COX7B2: variants seen among roughly 807,000 people sequenced by gnomAD.
The protein encoded by COX7B2 is cytochrome c oxidase subunit 7B2.
For synonymous variants in COX7B2, 37 were observed against 32.1 expected, an observed-to-expected ratio of 1.15 and a Z score of -0.51; for missense variants, 109 against 95.9, an observed-to-expected ratio of 1.14 and a Z score of -0.57.
rs144261181 is a variant in COX7B2 at position 46,817,950 on chromosome 4, A to C, written c.-50+27010T>G. Among the ~76,000 whole-genome samples the C allele has an allele frequency of 2.2e-3, 338 of 152,322 alleles. 4 individuals are homozygous for C. Among genetic ancestry groups the C allele is most frequent in the East Asian group, 8.5e-3 (44 of 5,184 alleles). ...TACGCATTTCTCAGCAGAACACAGA[A>C]AAGGAACTGATTAGAAATTTAAATT... is the stretch of plus-strand genomic sequence containing the variant. On this transcript the variant is annotated intron_variant, in intron 2 of 2. Transcript: ENST00000355591.
At chr4:46,750,856 A>G (rs1242891341) in intron 2 of COX7B2, among the ~76,000 whole-genome samples, 1 of 152,152 alleles carries the variant, frequency 6.6e-6, no homozygotes, top group Admixed American at 6.6e-5. Context: ...TTCCTTATAA[A>G]GTCACCAGCC....
At chr4:46,815,509 A>C (rs1311869709) in intron 2 of COX7B2, among the ~76,000 whole-genome samples, 3 of 152,178 alleles carry the variant, frequency 2.0e-5, no homozygotes. Context: ...CCTCAGTACT[A>C]ATCAACAAAA....
chr4:46,740,189 C>T (rs555310444), intron 2 of COX7B2, among the ~76,000 whole-genome samples: 13 of 151,942 alleles, frequency 8.6e-5, no homozygotes, highest in African/African-American at 2.9e-4. Flanking sequence ...TTAAAGTGTT[C>T]GTTTGCAAGG....
rs766165008 is a variant in COX7B2 at position 46,735,046 on chromosome 4, G to T, written c.147C>A (p.Phe49Leu). 3.1e-6 allele frequency: 5 copies of T among 1,614,080 alleles called. No homozygotes were observed. Among genetic ancestry groups the T allele is most frequent in the African/African-American group, 1.3e-5 (1 of 75,040 alleles). Residue 49 changes from phenylalanine (F) to leucine (L), a missense_variant, in exon 3 of 3, where the codon TTC becomes TTA. Phe to Leu is a conservative substitution (Grantham distance 22, BLOSUM62 0). Transcript: ENST00000355591. ...GNAVLASGTA[F>L]CVATWVFTAT... is the part of the protein sequence containing the mutation. ...CTGTAAACACCCATGTAGCAACACA[G>T]AAAGCAGTTCCACTGGCTAGCACAG...
chr4:46,859,522 C>T (rs1195003850), intron 1 of COX7B2, among the ~76,000 whole-genome samples: 2 of 152,050 alleles, frequency 1.3e-5, no homozygotes, highest in African/African-American at 4.8e-5. Flanking sequence ...TATGAAAGCC[C>T]GAGAGGTCTG....
intron 2 of COX7B2, among the ~76,000 whole-genome samples, chr4:46,775,552 C>G (rs1052377316): frequency 6.6e-6 from 1 of 151,856 alleles, no homozygotes; most frequent in Non-Finnish European, 1.5e-5. Context: ...TGGGTCATAC[C>G]GCAATGAATA....
At chr4:46,786,355 T>C (rs921045305) in intron 2 of COX7B2, among the ~76,000 whole-genome samples, 14 of 152,242 alleles carry the variant, frequency 9.2e-5, no homozygotes, top group African/African-American at 3.4e-4. Context: ...ACTCTTCCAT[T>C]GTTGAACACT....
At chr4:46,891,387 G>A (rs570586511) in intron 1 of COX7B2, among the ~76,000 whole-genome samples, 3 of 152,158 alleles carry the variant, frequency 2.0e-5, no homozygotes, top group African/African-American at 4.8e-5. Context: ...ACAGAGCCTC[G>A]GGACTTCAAC....
intron 2 of COX7B2, among the ~76,000 whole-genome samples, chr4:46,818,558 A>G (rs1303698967): frequency 2.6e-5 from 4 of 151,926 alleles, no homozygotes; most frequent in Admixed American, 1.3e-4. Context: ...AATGGCGTGA[A>G]CCCAGGAGGC....
intron 1 of COX7B2, among the ~76,000 whole-genome samples, chr4:46,887,402 T>C (rs1719141067): frequency 6.6e-6 from 1 of 152,092 alleles, no homozygotes; most frequent in Admixed American, 6.5e-5. Context: ...ATCATGTACA[T>C]AAAACTACTT....
chr4:46,811,332 T>G (rs1246221253), intron 2 of COX7B2, among the ~76,000 whole-genome samples: 1 of 151,990 alleles, frequency 6.6e-6, no homozygotes, highest in Non-Finnish European at 1.5e-5. Flanking sequence ...ATAGGCTTTT[T>G]TTTTTTAACT....
At chr4:46,807,836 T>C (rs1179462939) in intron 2 of COX7B2, among the ~76,000 whole-genome samples, 5 of 151,884 alleles carry the variant, frequency 3.3e-5, no homozygotes, top group African/African-American at 9.7e-5. Flanking sequence ...TGATAGTATA[T>C]ATTTAGGTTT....
intron 2 of COX7B2, among the ~76,000 whole-genome samples, chr4:46,764,119 C>T (rs1339474130): frequency 3.3e-5 from 5 of 152,168 alleles, no homozygotes; most frequent in Non-Finnish European, 5.9e-5. Context: ...AGAACTGCTA[C>T]TAGAAGATTC....
chr4:46,760,695 CTTATAG>C (rs1716096608), intron 2 of COX7B2, among the ~76,000 whole-genome samples: 1 of 151,950 alleles, frequency 6.6e-6, no homozygotes, highest in African/African-American at 2.4e-5. Flanking sequence ...TACCCCAGAA[CTTATAG>C]TTAAAAAAGG....
intron 2 of COX7B2, among the ~76,000 whole-genome samples, chr4:46,818,093 G>T (rs932066493): frequency 6.6e-6 from 1 of 152,078 alleles, no homozygotes; most frequent in African/African-American, 2.4e-5. Context: ...ACACTTGGAT[G>T]GACTATTTGA....
chr4:46,742,533 A>T (rs1714780565), intron 2 of COX7B2, among the ~76,000 whole-genome samples: 1 of 152,156 alleles, frequency 6.6e-6, no homozygotes, highest in South Asian at 2.1e-4. Context: ...TGCCGCTGGT[A>T]AAAATGCTGA....
chr4:46,808,063 A>G (rs1719095241), intron 2 of COX7B2, among the ~76,000 whole-genome samples: 1 of 151,858 alleles, frequency 6.6e-6, no homozygotes, highest in Admixed American at 6.6e-5. Flanking sequence ...TGTGAAGAAC[A>G]TTATTGGAAT....
chr4:46,901,282 T>TG (rs59830139), intron 1 of COX7B2, among the ~76,000 whole-genome samples: 265 of 152,334 alleles, frequency 1.7e-3, no homozygotes, highest in African/African-American at 6.0e-3. Flanking sequence ...GTCTCACCGA[T>TG]GGACTTGATT....
chr4:46,758,788 G>T lies in COX7B2; in HGVS notation c.-49-23547C>A, dbSNP rs543110043. On this transcript the variant is annotated intron_variant, in intron 2 of 2. Transcript: ENST00000355591. ...GTGAATGTGAATTTCAGTTTTCATG[G>T]ACTCACAATACATGGAAAATAAAAA... 6.6e-5 allele frequency among the ~76,000 whole-genome samples: 10 copies of T among 152,124 alleles called. No homozygotes were observed. In the South Asian group the frequency reaches 1.9e-3, roughly 28 times the overall value.
Sources: allele counts gnomAD v4.1 joint callset (sites outside exome capture counted in the v4.1 genomes callset), GRCh38; gene constraint gnomAD v4.1.1; transcripts MANE v1.5; gene names NCBI Gene and HGNC (gene_info 2026-07-23, HGNC 2026-07-21).